PPHLN1: variants seen among roughly 807,000 people sequenced by gnomAD.
The protein encoded by PPHLN1 is periphilin-1.
A neutral mutation model predicts 51.3 loss-of-function variants in PPHLN1; 29 were observed. That is an observed-to-expected ratio of 0.57 (90% CI 0.42 to 0.77). PPHLN1 has a LOEUF of 0.77. PPHLN1 is among the 30% of genes least tolerant of loss of function. PPHLN1 has a pLI of 0.00. For synonymous variants in PPHLN1, 147 were observed against 147.8 expected, an observed-to-expected ratio of 0.99 and a Z score of 0.04; for missense variants, 436 against 438.4, an observed-to-expected ratio of 0.99 and a Z score of 0.05.
chr12:42,429,339 A>T (rs1280366801), intron 9 of PPHLN1, among the ~76,000 whole-genome samples: 1 of 152,316 alleles, frequency 6.6e-6, no homozygotes, highest in South Asian at 2.1e-4. Flanking sequence ...TGTTTCTACC[A>T]TAAGTTATTT....
At chr12:42,348,827 T>C (rs528127906) in intron 2 of PPHLN1, among the ~76,000 whole-genome samples, 2 of 148,974 alleles carry the variant, frequency 1.3e-5, no homozygotes, top group Non-Finnish European at 3.0e-5. Flanking sequence ...AGTTTTTTTT[T>C]TGGGCAGCTT....
At position 42,349,881 on chromosome 12, in the gene PPHLN1, C is replaced by T. The variant is rs183545872; in HGVS notation, c.73-2004C>T. 3.6e-3 allele frequency among the ~76,000 whole-genome samples: 552 copies of T among 152,304 alleles called. 5 individuals are homozygous for T. The highest frequency in any genetic ancestry group is 0.013 in the African/African-American group (529 of 41,572). Reference sequence around the variant, plus strand: ...TTCCCCCTTTTCTATTTGACAAAACCGCCATCGTCATCATGGCCCGTCCTC... The same window carrying T: ...TTCCCCCTTTTCTATTTGACAAAACTGCCATCGTCATCATGGCCCGTCCTC... On this transcript the variant is annotated intron_variant, in intron 2 of 9. Transcript: ENST00000358314.
chr12:42,414,271 G>C (rs2080165863), intron 9 of PPHLN1, among the ~76,000 whole-genome samples: 1 of 152,046 alleles, frequency 6.6e-6, no homozygotes, highest in Admixed American at 6.6e-5. Context: ...CTGACCTCAG[G>C]TGATCCACCA....
chr12:42,383,134 T>TGGTA (rs1175352881), intron 5 of PPHLN1, among the ~76,000 whole-genome samples: 1 of 152,224 alleles, frequency 6.6e-6, no homozygotes, highest in Non-Finnish European at 1.5e-5. Flanking sequence ...TAATTATATG[T>TGGTA]GGTAATACCT....
At chr12:42,338,613 G>T (rs1453722293) in intron 2 of PPHLN1, among the ~76,000 whole-genome samples, 1 of 152,212 alleles carries the variant, frequency 6.6e-6, no homozygotes, top group Non-Finnish European at 1.5e-5. Context: ...ACAGTTTTGA[G>T]TGAAGTTCAG....
intron 7 of PPHLN1, among the ~76,000 whole-genome samples, chr12:42,387,829 C>A (rs1043181615): frequency 6.6e-5 from 10 of 152,220 alleles, no homozygotes; most frequent in African/African-American, 2.4e-4. Context: ...CCCTGAGATG[C>A]TGTTGATCTG....
intron 8 of PPHLN1, among the ~76,000 whole-genome samples, chr12:42,395,067 C>T (rs2078077297): frequency 6.6e-6 from 1 of 152,018 alleles, no homozygotes; most frequent in Non-Finnish European, 1.5e-5. Context: ...CACTACTGTT[C>T]TCAAATTTAA....
Position 42,355,230 on chromosome 12 carries a change from G to A in PPHLN1, c.299+8G>A. Reference sequence around the variant, plus strand: ...CAGGCAACCTGAATACAGGTAAAAGGATAAAAATAATAGCATAAGTACTTT... The same window carrying A: ...CAGGCAACCTGAATACAGGTAAAAGAATAAAAATAATAGCATAAGTACTTT... On this transcript the variant is annotated splice_region_variant and intron_variant, in intron 4 of 9. Coordinates refer to ENST00000358314, the MANE Select transcript of PPHLN1 (RefSeq NM_201439.2). 1 of 1,610,132 alleles carries A rather than the reference G, an allele frequency of 6.2e-7. No homozygotes were observed. Among genetic ancestry groups the A allele is most frequent in the African/African-American group, 1.3e-5 (1 of 74,926 alleles).
chr12:42,343,070 T>G (rs560615330), intron 2 of PPHLN1, among the ~76,000 whole-genome samples: 10 of 152,320 alleles, frequency 6.6e-5, no homozygotes, highest in African/African-American at 2.4e-4. Flanking sequence ...CAAATGTAAA[T>G]GTACTCAAAC....
chr12:42,421,396 G>T (rs2080993982), intron 9 of PPHLN1, among the ~76,000 whole-genome samples: 1 of 152,112 alleles, frequency 6.6e-6, no homozygotes, highest in South Asian at 2.1e-4. Context: ...GCCCAGGCTG[G>T]AGTACAGTGG....
chr12:42,354,539 G>T (rs1399976909), intron 3 of PPHLN1, among the ~76,000 whole-genome samples: 1 of 152,048 alleles, frequency 6.6e-6, no homozygotes, highest in Non-Finnish European at 1.5e-5. Flanking sequence ...AAGTAATTTG[G>T]TGTGGATTGC....
intron 2 of PPHLN1, among the ~76,000 whole-genome samples, chr12:42,341,604 G>A (rs1364041946): frequency 6.6e-6 from 1 of 152,036 alleles, no homozygotes; most frequent in East Asian, 1.9e-4. Flanking sequence ...GCACTTTATG[G>A]TATGCTTTTA....
intron 9 of PPHLN1, among the ~76,000 whole-genome samples, chr12:42,402,365 T>C (rs1367384445): frequency 6.6e-6 from 1 of 152,224 alleles, no homozygotes; most frequent in Admixed American, 6.5e-5. Flanking sequence ...TACAATTAGC[T>C]AAGAAAAATT....
chr12:42,387,407 A>G, intron 6 of PPHLN1, 49 bp from the exon 7 acceptor site: 2 of 1,559,554 alleles, frequency 1.3e-6, no homozygotes, highest in South Asian at 1.2e-5. Flanking sequence ...TACTTTATCA[A>G]AAACAAATTA....
chr12:42,354,328 C>G (rs940858965), intron 3 of PPHLN1, among the ~76,000 whole-genome samples: 1 of 152,248 alleles, frequency 6.6e-6, no homozygotes, highest in Admixed American at 6.5e-5. Flanking sequence ...AAGTAATTCT[C>G]CTGCCTCAGC....
At chr12:42,399,538 A>G (rs1381364511) in intron 9 of PPHLN1, 1 of 624,176 alleles carries the variant, frequency 1.6e-6, no homozygotes, top group Non-Finnish European at 2.0e-6. Context: ...AGGGTTTTAT[A>G]AAATGTAACA....
intron 2 of PPHLN1, among the ~76,000 whole-genome samples, chr12:42,350,893 T>G (rs1157301852): frequency 1.3e-5 from 2 of 151,494 alleles, no homozygotes; most frequent in East Asian, 3.9e-4. Context: ...AGGGAGAGGT[T>G]GCAGTGAGCC....
intron 2 of PPHLN1, among the ~76,000 whole-genome samples, chr12:42,336,615 T>C (rs2070706288): frequency 6.6e-6 from 1 of 152,220 alleles, no homozygotes; most frequent in Non-Finnish European, 1.5e-5. Context: ...AAGAACTTAC[T>C]GTTTTGTTTA....
chr12:42,418,373 AT>A (rs911702405), intron 9 of PPHLN1, among the ~76,000 whole-genome samples: 2 of 150,760 alleles, frequency 1.3e-5, no homozygotes, highest in African/African-American at 2.4e-5. Context: ...TATTGCAATA[AT>A]TTTTTTTTCC....
Sources: gnomAD v4.1 joint callset for allele counts (sites outside exome capture counted in the v4.1 genomes callset) on GRCh38, gnomAD v4.1.1 for gene constraint, MANE v1.5 for transcripts, NCBI Gene and HGNC (gene_info 2026-07-23, HGNC 2026-07-21) for gene names.